DLG1: variants seen among roughly 807,000 people sequenced by gnomAD.
DLG1 encodes the protein discs large MAGUK scaffold protein 1.
A neutral mutation model predicts 123.4 loss-of-function variants in DLG1; 42 were observed. That is an observed-to-expected ratio of 0.34 (90% CI 0.27 to 0.44). DLG1 has a LOEUF of 0.44. DLG1 is among the 20% of genes least tolerant of loss of function. DLG1 has a pLI of 1.00. For missense variants in DLG1, 942 were observed against 1,082.6 expected, an observed-to-expected ratio of 0.87 and a Z score of 1.82; for synonymous variants, 317 against 356.2, an observed-to-expected ratio of 0.89 and a Z score of 1.24.
chr3:197,121,075 AAAAAC>A (rs1381269056), intron 11 of DLG1, among the ~76,000 whole-genome samples: 1 of 152,154 alleles, frequency 6.6e-6, no homozygotes, highest in Non-Finnish European at 1.5e-5. Flanking sequence ...ATGAAACAAA[AAAAAC>A]AACTAGACAA....
rs577894774 is a variant in DLG1 at position 197,272,798 on chromosome 3, G to C, written c.318+9881C>G. Reference sequence around the variant, plus strand: ...TTAAAAGAACGCAAAACTAATCTATGATGTTGGAAATTTGGATGGTCCTCT... The same window carrying C: ...TTAAAAGAACGCAAAACTAATCTATCATGTTGGAAATTTGGATGGTCCTCT... On this transcript the variant is annotated intron_variant, in intron 4 of 24. Coordinates refer to ENST00000667157, the MANE Select transcript of DLG1 (RefSeq NM_001366207.1). Among the ~76,000 whole-genome samples, 5 of 152,310 alleles carry C rather than the reference G, an allele frequency of 3.3e-5. No individual in the cohort carries two copies. In the South Asian group the frequency reaches 1.0e-3, roughly 32 times the overall value.
intron 4 of DLG1, among the ~76,000 whole-genome samples, chr3:197,226,985 C>T (rs1740302357): frequency 6.6e-6 from 1 of 152,162 alleles, no homozygotes; most frequent in South Asian, 2.1e-4. Flanking sequence ...ACATCTTATG[C>T]AGTACCTTCG....
At chr3:197,202,134 C>T (rs758859353) in intron 4 of DLG1, among the ~76,000 whole-genome samples, 16 of 151,938 alleles carry the variant, frequency 1.1e-4, no homozygotes, top group Admixed American at 2.6e-4. Flanking sequence ...TTGTACCCCA[C>T]GATTATATAC....
intron 5 of DLG1, among the ~76,000 whole-genome samples, chr3:197,166,920 C>G (rs1417874512): frequency 1.3e-5 from 2 of 151,860 alleles, no homozygotes; most frequent in Non-Finnish European, 2.9e-5. Flanking sequence ...AACACAAAAC[C>G]AAACAAAACC....
chr3:197,059,191 G>C (rs1205749), intron 23 of DLG1, among the ~76,000 whole-genome samples: 3 of 152,174 alleles, frequency 2.0e-5, no homozygotes, highest in East Asian at 3.9e-4. Context: ...TCCCAAAGTG[G>C]TGGGATTACA....
At chr3:197,110,446 A>T (rs59827673) in intron 13 of DLG1, among the ~76,000 whole-genome samples, 6,293 of 152,178 alleles carry the variant, frequency 0.041, 178 homozygotes, top group Non-Finnish European at 0.054. Flanking sequence ...TATTCCTTGA[A>T]CGTATTTAAA....
intron 14 of DLG1, among the ~76,000 whole-genome samples, chr3:197,101,763 GTAT>G (rs1382774409): frequency 6.6e-6 from 1 of 151,708 alleles, no homozygotes. Context: ...AACGAGTATA[GTAT>G]TATATTTCCA....
intron 5 of DLG1, among the ~76,000 whole-genome samples, chr3:197,158,417 G>A (rs904106844): frequency 6.7e-6 from 1 of 149,272 alleles, no homozygotes; most frequent in Non-Finnish European, 1.5e-5. Flanking sequence ...GAAGTCGGGA[G>A]TTTGAGGCCA....
chr3:197,171,035 TTGGTTTTGTA>T (rs1416147849), intron 5 of DLG1, among the ~76,000 whole-genome samples: 1 of 152,188 alleles, frequency 6.6e-6, no homozygotes, highest in Non-Finnish European at 1.5e-5. Context: ...GGATCTTATT[TTGGTTTTGTA>T]TGGCATAATT....
chr3:197,116,788 C>A (rs1773540511), intron 12 of DLG1, among the ~76,000 whole-genome samples: 1 of 152,074 alleles, frequency 6.6e-6, no homozygotes, highest in South Asian at 2.1e-4. Context: ...ACCGAAGACA[C>A]CACAGGCCTA....
intron 11 of DLG1, among the ~76,000 whole-genome samples, chr3:197,126,349 G>A (rs1322185799): frequency 6.6e-6 from 1 of 152,010 alleles, no homozygotes; most frequent in Non-Finnish European, 1.5e-5. Context: ...GGTGGCGCAT[G>A]CCTGTAATCC....
At chr3:197,165,132 T>C (rs1272886971) in intron 5 of DLG1, among the ~76,000 whole-genome samples, 4 of 152,196 alleles carry the variant, frequency 2.6e-5, no homozygotes, top group South Asian at 4.1e-4. Context: ...TCTCTATCGC[T>C]GCTTCTTTAT....
Position 197,223,567 on chromosome 3 carries a change from A to G in DLG1, c.319-28978T>C, listed in dbSNP as rs140830934. 3.4e-3 allele frequency among the ~76,000 whole-genome samples: 512 copies of G among 152,352 alleles called. 5 individuals are homozygous for G. The highest frequency in any genetic ancestry group is 0.011 in the African/African-American group (478 of 41,574). ...AGCTTAGTTTTAAATGTGATTTGGA[A>G]TTTACATAGTAAGATTACTTGTTGT... On this transcript the variant is annotated intron_variant, in intron 4 of 24. Coordinates refer to ENST00000667157, the MANE Select transcript of DLG1 (RefSeq NM_001366207.1).
chr3:197,194,938 A>G (rs1415564424), intron 4 of DLG1, among the ~76,000 whole-genome samples: 1 of 151,982 alleles, frequency 6.6e-6, no homozygotes, highest in Non-Finnish European at 1.5e-5. Flanking sequence ...TGGTTTTCTT[A>G]CTCCGTTAAC....
In DLG1 at chr3:197,166,676, G is replaced by A. The variant is rs143767800; in HGVS notation, c.484-16880C>T. 8.4e-3 allele frequency among the ~76,000 whole-genome samples: 1,284 copies of A among 152,198 alleles called. 18 individuals carry two copies. The highest frequency in any genetic ancestry group is 0.029 in the African/African-American group (1,216 of 41,524). ...AGGCGGAGGTGGGCGGATCATCTGAGGTCAGGAGTTTGAGACCAGCCTGGC... is the reference window on the plus strand; with the variant it reads ...AGGCGGAGGTGGGCGGATCATCTGAAGTCAGGAGTTTGAGACCAGCCTGGC... On this transcript the variant is annotated intron_variant, in intron 5 of 24. Coordinates refer to ENST00000667157, the MANE Select transcript of DLG1 (RefSeq NM_001366207.1).
Position 197,126,197 on chromosome 3 carries a change from T to C in DLG1, c.1165+4330A>G, listed in dbSNP as rs75293607. Among the ~76,000 whole-genome samples, 1,336 of 152,120 alleles carry C rather than the reference T, an allele frequency of 8.8e-3. 11 individuals carry two copies. The highest frequency in any genetic ancestry group is 0.016 in the Non-Finnish European group (1,099 of 67,984). On this transcript the variant is annotated intron_variant, in intron 11 of 24. Coordinates refer to ENST00000667157, the MANE Select transcript of DLG1 (RefSeq NM_001366207.1). Reference sequence around the variant, plus strand: ...TGGGGGAAAAAGTAACATAATCAGCTGGGCTCGGTGGCTCATGCCTATAAT... The same window carrying C: ...TGGGGGAAAAAGTAACATAATCAGCCGGGCTCGGTGGCTCATGCCTATAAT...
At chr3:197,214,495 C>T (rs534170111) in intron 4 of DLG1, among the ~76,000 whole-genome samples, 1 of 152,116 alleles carries the variant, frequency 6.6e-6, no homozygotes, top group African/African-American at 2.4e-5. Flanking sequence ...ATGGCGTGAA[C>T]CCAGGAGGCG....
At position 197,130,641 on chromosome 3, in the gene DLG1, G is replaced by C; in HGVS notation, c.1051C>G (p.His351Asp). Residue 351 changes from histidine (H) to aspartate (D), a missense_variant, in exon 11 of 25, where the codon CAT (histidine) becomes GAT (aspartate). His to Asp is a moderately conservative substitution (Grantham distance 81). Transcript: ENST00000667157. Reference sequence around the variant, plus strand: ...TTTAAGGCAGTTACTGCTTCTTCATGAGTAACTTCTTCTAAACATACGTTA... The same window carrying C: ...TTTAAGGCAGTTACTGCTTCTTCATCAGTAACTTCTTCTAAACATACGTTA... Reference protein sequence around the residue: ...VNNVCLEEVTHEEAVTALKNT... With the variant: ...VNNVCLEEVTDEEAVTALKNT... 2 of 1,607,388 alleles carry C rather than the reference G, an allele frequency of 1.2e-6. No homozygotes were observed. The highest frequency in any genetic ancestry group is 8.5e-7 in the Non-Finnish European group (1 of 1,177,814).
chr3:197,239,949 C>T (rs13077565), intron 4 of DLG1, among the ~76,000 whole-genome samples: 36,540 of 151,830 alleles, frequency 0.24, 5,495 homozygotes, highest in East Asian at 0.68. Context: ...AAAAATTTTC[C>T]CACAACTCAC....
Sources: gnomAD v4.1 joint callset for allele counts (sites outside exome capture counted in the v4.1 genomes callset) on GRCh38, gnomAD v4.1.1 for gene constraint, MANE v1.5 for transcripts, NCBI Gene and HGNC (gene_info 2026-07-23, HGNC 2026-07-21) for gene names.